Variants in AGTPBP1 observed in about 807,000 individuals in gnomAD.
AGTPBP1 encodes the protein cytosolic carboxypeptidase 1.
AGTPBP1 carries 70 observed loss-of-function variants against 143.9 expected under a neutral mutation model. The observed-to-expected ratio is 0.49, with a 90% CI of 0.40 to 0.59. AGTPBP1 has a LOEUF of 0.59. AGTPBP1 is among the 20% of genes least tolerant of loss of function. The pLI, the probability that AGTPBP1 is intolerant of heterozygous loss-of-function variation, is 0.00. For synonymous variants in AGTPBP1, 463 were observed against 500.2 expected (o/e 0.93, Z 0.99); for missense variants, 1,229 against 1,464.5 (o/e 0.84, Z 2.62).
At chr9:85,744,792 G>A (rs1824562878), upstream of AGTPBP1, among the ~76,000 whole-genome samples, 1 of 152,238 alleles carries the variant, frequency 6.6e-6, no homozygotes, top group African/African-American at 2.4e-5. Flanking sequence ...CGAAACATGG[G>A]TGGGAGCTTC....
At chr9:85,802,288 C>G in the AGTPBP1 span, among the ~76,000 whole-genome samples, 5 of 152,104 alleles carry the variant, frequency 3.3e-5, no homozygotes, top group South Asian at 2.1e-4. Flanking sequence ...CTTCTTACCA[C>G]TTCTGAAATT....
intron 11 of AGTPBP1, among the ~76,000 whole-genome samples, chr9:85,646,860 T>C (rs1832841429): frequency 6.6e-6 from 1 of 152,056 alleles, no homozygotes; most frequent in Non-Finnish European, 1.5e-5. Flanking sequence ...TTTGTTTCCC[T>C]GGGCCACACT....
chr9:85,553,654 T>C (rs148626532), intron 25 of AGTPBP1, among the ~76,000 whole-genome samples: 303 of 152,354 alleles, frequency 2.0e-3, no homozygotes, highest in African/African-American at 7.0e-3. Context: ...ATGTCACTAT[T>C]TTGCCATTGA....
At chr9:85,747,207 A>G in the AGTPBP1 span, among the ~76,000 whole-genome samples, 1 of 151,920 alleles carries the variant, frequency 6.6e-6, no homozygotes, top group South Asian at 2.1e-4. Context: ...TGGTTACTAA[A>G]CTCTCAGTTC....
intron 25 of AGTPBP1, among the ~76,000 whole-genome samples, chr9:85,548,930 C>G (rs1825885295): frequency 6.6e-6 from 1 of 152,172 alleles, no homozygotes; most frequent in Non-Finnish European, 1.5e-5. Flanking sequence ...CTGCCTTGGC[C>G]TCCCAAAGTG....
intron 13 of AGTPBP1, among the ~76,000 whole-genome samples, chr9:85,636,565 A>G (rs1194804963): frequency 1.3e-5 from 2 of 152,062 alleles, no homozygotes; most frequent in Non-Finnish European, 2.9e-5. Context: ...CCCCTAGTAG[A>G]TATTTCTAAT....
intron 25 of AGTPBP1, among the ~76,000 whole-genome samples, chr9:85,570,627 C>T (rs749440742): frequency 2.0e-5 from 3 of 152,160 alleles, no homozygotes; most frequent in African/African-American, 7.2e-5. Flanking sequence ...ATCATACTAT[C>T]GACTCCCCTC....
chr9:85,555,455 T>C (rs1183033284), intron 25 of AGTPBP1, among the ~76,000 whole-genome samples: 3 of 151,992 alleles, frequency 2.0e-5, no homozygotes, highest in Non-Finnish European at 4.4e-5. Context: ...AAAAATTAGC[T>C]GGGTGTGGTA....
intron 14 of AGTPBP1, among the ~76,000 whole-genome samples, chr9:85,625,298 T>C (rs927829547): frequency 6.6e-6 from 1 of 152,236 alleles, no homozygotes; most frequent in Non-Finnish European, 1.5e-5. Flanking sequence ...ATGAATTCTT[T>C]CAATTAATGT....
At chr9:85,610,256 G>A (rs951129637) in intron 17 of AGTPBP1, among the ~76,000 whole-genome samples, 1 of 152,130 alleles carries the variant, frequency 6.6e-6, no homozygotes, top group African/African-American at 2.4e-5. Context: ...TCACTAAAAT[G>A]CAAGACTGCC....
chr9:85,583,247 A>G (rs1828390610), intron 23 of AGTPBP1, among the ~76,000 whole-genome samples: 1 of 152,124 alleles, frequency 6.6e-6, no homozygotes, highest in African/African-American at 2.4e-5. Context: ...TAAGTCCATC[A>G]ATTTGTTTTG....
chr9:85,587,771 C>T (rs1442640782), intron 21 of AGTPBP1, among the ~76,000 whole-genome samples: 1 of 152,096 alleles, frequency 6.6e-6, no homozygotes, highest in Non-Finnish European at 1.5e-5. Context: ...GATAAATTTA[C>T]TGTACTAACT....
intron 2 of AGTPBP1, among the ~76,000 whole-genome samples, chr9:85,696,878 C>T (rs1836282732): frequency 6.6e-6 from 1 of 152,160 alleles, no homozygotes; most frequent in South Asian, 2.1e-4. Flanking sequence ...GACACTATCA[C>T]TTATCAAGCT....
At position 85,619,116 on chromosome 9, in the gene AGTPBP1, A is replaced by G. The variant is rs1230928314; in HGVS notation, c.2202T>C (p.Leu734=). 1 of 1,613,262 alleles carries G rather than the reference A, an allele frequency of 6.2e-7. No individual in the cohort carries two copies. Among genetic ancestry groups the G allele is most frequent in the South Asian group, 1.1e-5 (1 of 90,994 alleles). Residue 734 remains leucine (L), a synonymous_variant, in exon 17 of 26, where the codon CTT becomes CTC. Coordinates refer to ENST00000357081, the MANE Select transcript of AGTPBP1 (RefSeq NM_001330701.2). ...VIQIRKNEYD[L]ILNSDINSNH... is the part of the protein sequence containing the mutation. ...TGCTGTTTATGTCTGAGTTCAGAAT[A>G]AGATCATATTCATTTCTGAAAATAG...
intron 1 of AGTPBP1, among the ~76,000 whole-genome samples, chr9:85,725,674 C>A (rs1587985099): frequency 6.6e-6 from 1 of 152,118 alleles, no homozygotes; most frequent in Non-Finnish European, 1.5e-5. Context: ...CTTTGGGAGG[C>A]CAAGGTGGGA....
chr9:85,562,622 CA>C (rs1826813819), intron 25 of AGTPBP1, among the ~76,000 whole-genome samples: 1 of 152,054 alleles, frequency 6.6e-6, no homozygotes, highest in South Asian at 2.1e-4. Flanking sequence ...TATCTTTCAC[CA>C]AAGCAATGGT....
intron 2 of AGTPBP1, among the ~76,000 whole-genome samples, chr9:85,699,187 T>A (rs1236762691): frequency 6.6e-6 from 1 of 152,186 alleles, no homozygotes; most frequent in Admixed American, 6.5e-5. Flanking sequence ...TCTCACTATA[T>A]GCTGCCCAGG....
chr9:85,767,637 C>T, the AGTPBP1 span, among the ~76,000 whole-genome samples: 284 of 151,676 alleles, frequency 1.9e-3, 3 homozygotes, highest in Non-Finnish European at 2.0e-3. Flanking sequence ...TAAGCCACCG[C>T]GCCCAGCCTA....
At chr9:85,630,828 G>T (rs1007857325) in intron 14 of AGTPBP1, among the ~76,000 whole-genome samples, 2 of 152,094 alleles carry the variant, frequency 1.3e-5, no homozygotes, top group Non-Finnish European at 2.9e-5. Flanking sequence ...ACCTCTGCAG[G>T]TCTTGATAGC....
Sources: allele counts gnomAD v4.1 joint callset (sites outside exome capture counted in the v4.1 genomes callset), GRCh38; gene constraint gnomAD v4.1.1; transcripts MANE v1.5; gene names NCBI Gene and HGNC (gene_info 2026-07-23, HGNC 2026-07-21).